PTPRG: variants seen among roughly 807,000 people sequenced by gnomAD.
PTPRG encodes the protein receptor-type tyrosine-protein phosphatase gamma.
A neutral mutation model predicts 165.3 loss-of-function variants in PTPRG; 102 were observed. That is an observed-to-expected ratio of 0.62 (90% CI 0.53 to 0.73). PTPRG has a LOEUF of 0.73. PTPRG is among the 30% of genes least tolerant of loss of function. The pLI is 0.00. For missense variants in PTPRG, 1,866 were observed against 1,861.4 expected (o/e 1.00, Z -0.05); for synonymous variants, 675 against 669.5 (o/e 1.01, Z -0.13).
At chr3:61,988,492 A>G (rs1159399591) in intron 2 of PTPRG, among the ~76,000 whole-genome samples, 4 of 152,154 alleles carry the variant, frequency 2.6e-5, no homozygotes, top group Non-Finnish European at 5.9e-5. Flanking sequence ...AGTTAGACTT[A>G]CCTACTAATA....
At chr3:61,950,571 A>G (rs1575816391) in intron 2 of PTPRG, among the ~76,000 whole-genome samples, 1 of 152,102 alleles carries the variant, frequency 6.6e-6, no homozygotes. Context: ...TTTTTTTTTA[A>G]TACATTTTTT....
At chr3:62,136,082 T>C (rs1198629645) in intron 6 of PTPRG, among the ~76,000 whole-genome samples, 1 of 151,930 alleles carries the variant, frequency 6.6e-6, no homozygotes, top group Non-Finnish European at 1.5e-5. Context: ...CGCTTAAGAG[T>C]GGCACAGAGC....
At position 62,054,438 on chromosome 3, in the gene PTPRG, TTGTC is replaced by T. The variant is rs202215874; in HGVS notation, c.520-23722_520-23719del. On this transcript the variant is annotated intron_variant, in intron 4 of 29. Coordinates refer to ENST00000474889, the MANE Select transcript of PTPRG (RefSeq NM_002841.4). ...TATAGATCCATTTGTAAGGATCAATTTGTCTGAGTAGCTTGCTGTTTTCTAACAC... is the reference window on the plus strand; with the variant it reads ...TATAGATCCATTTGTAAGGATCAATTTGAGTAGCTTGCTGTTTTCTAACAC... Among the ~76,000 whole-genome samples the T allele has an allele frequency of 9.8e-5, 15 of 152,340 alleles. No homozygotes were observed. The East Asian group carries it at 2.9e-3, about 29-fold the overall frequency.
intron 2 of PTPRG, among the ~76,000 whole-genome samples, chr3:61,907,633 A>G (rs2038688028): frequency 1.3e-5 from 2 of 152,222 alleles, no homozygotes; most frequent in African/African-American, 4.8e-5. Flanking sequence ...ACCATAAGCA[A>G]AATGCAGACA....
At chr3:61,935,699 T>G (rs1428561250) in intron 2 of PTPRG, among the ~76,000 whole-genome samples, 2 of 151,962 alleles carry the variant, frequency 1.3e-5, no homozygotes, top group Non-Finnish European at 2.9e-5. Flanking sequence ...ACCTTTTTTT[T>G]TTTTTAATGT....
intron 5 of PTPRG, among the ~76,000 whole-genome samples, chr3:62,084,960 T>C (rs565976714): frequency 2.0e-5 from 3 of 152,294 alleles, no homozygotes; most frequent in South Asian, 2.1e-4. Flanking sequence ...ATTGTCTAGA[T>C]TGGAAAGGGA....
chr3:61,687,482 C>A (rs1390671348), intron 1 of PTPRG, among the ~76,000 whole-genome samples: 1 of 152,204 alleles, frequency 6.6e-6, no homozygotes, highest in Non-Finnish European at 1.5e-5. Context: ...AGAGACCTGG[C>A]CTGACTTGAT....
At chr3:62,094,420 A>C (rs1315317665) in intron 5 of PTPRG, among the ~76,000 whole-genome samples, 1 of 151,698 alleles carries the variant, frequency 6.6e-6, no homozygotes, top group Non-Finnish European at 1.5e-5. Flanking sequence ...CTTTGGAACC[A>C]CTTCTTCTGC....
intron 1 of PTPRG, among the ~76,000 whole-genome samples, chr3:61,692,784 G>C (rs1487397998): frequency 6.6e-6 from 1 of 152,150 alleles, no homozygotes; most frequent in East Asian, 1.9e-4. Flanking sequence ...GTGGTGGAAT[G>C]TCATCAGTTA....
intron 1 of PTPRG, 47 bp downstream of exon 1, chr3:61,562,419 G>A: frequency 1.3e-6 from 2 of 1,589,528 alleles, no homozygotes; most frequent in Non-Finnish European, 1.7e-6. Flanking sequence ...GGCGCGCGTT[G>A]GGGATGCGGA....
At chr3:61,839,848 C>T (rs1293882144) in intron 2 of PTPRG, among the ~76,000 whole-genome samples, 1 of 152,154 alleles carries the variant, frequency 6.6e-6, no homozygotes, top group East Asian at 1.9e-4. Flanking sequence ...TCGTTGCCTA[C>T]ACAGCATTTT....
chr3:61,676,668 A>G (rs893556213), intron 1 of PTPRG, among the ~76,000 whole-genome samples: 1 of 151,874 alleles, frequency 6.6e-6, no homozygotes, highest in Non-Finnish European at 1.5e-5. Context: ...AAAGACATCT[A>G]TCGGGAAATG....
intron 2 of PTPRG, among the ~76,000 whole-genome samples, chr3:61,961,338 G>T (rs1039761219): frequency 1.3e-5 from 2 of 152,194 alleles, no homozygotes; most frequent in Non-Finnish European, 2.9e-5. Flanking sequence ...TTAGGGACAG[G>T]TGTGTATGCA....
chr3:61,824,874 A>G (rs1306427245), intron 2 of PTPRG, among the ~76,000 whole-genome samples: 3 of 152,230 alleles, frequency 2.0e-5, no homozygotes, highest in Non-Finnish European at 4.4e-5. Flanking sequence ...GGTCATGTTG[A>G]TAAGTCATAC....
intron 5 of PTPRG, among the ~76,000 whole-genome samples, chr3:62,081,868 A>G (rs1701595316): frequency 6.6e-6 from 1 of 152,182 alleles, no homozygotes; most frequent in Admixed American, 6.6e-5. Flanking sequence ...GGCATCTTAC[A>G]TTTTAGTATT....
At chr3:62,150,970 T>G (rs1041150451) in intron 6 of PTPRG, among the ~76,000 whole-genome samples, 3 of 152,194 alleles carry the variant, frequency 2.0e-5, no homozygotes, top group Non-Finnish European at 2.9e-5. Context: ...AGCTTTCTTT[T>G]TTTCCTATAT....
chr3:61,988,772 G>A (rs1454814120), intron 2 of PTPRG, among the ~76,000 whole-genome samples: 2 of 152,268 alleles, frequency 1.3e-5, no homozygotes, highest in Admixed American at 6.5e-5. Flanking sequence ...TTAAAAGTAG[G>A]ATGCAGAAAA....
chr3:61,786,045 AG>A (rs1292955612), intron 2 of PTPRG, among the ~76,000 whole-genome samples: 1 of 152,232 alleles, frequency 6.6e-6, no homozygotes, highest in African/African-American at 2.4e-5. Flanking sequence ...TATAAATAAA[AG>A]CCACCTTAAA....
At chr3:62,194,455 T>C (rs912683859) in intron 9 of PTPRG, among the ~76,000 whole-genome samples, 4 of 152,220 alleles carry the variant, frequency 2.6e-5, no homozygotes, top group African/African-American at 9.6e-5. Context: ...CCTTCTAGCC[T>C]GGTGTTCTTC....
Sources: gnomAD v4.1 joint callset for allele counts (sites outside exome capture counted in the v4.1 genomes callset) on GRCh38, gnomAD v4.1.1 for gene constraint, MANE v1.5 for transcripts, NCBI Gene and HGNC (gene_info 2026-07-23, HGNC 2026-07-21) for gene names.